The following ZNF704 variants were observed in gnomAD, a reference collection of about 807,000 sequenced individuals.
ZNF704 encodes the protein zinc finger protein 704, also known as glucocorticoid induced gene 1.
In ZNF704, 10 loss-of-function variants were observed where a neutral mutation model predicts 44.7. The observed-to-expected ratio is 0.22, with a 90% CI of 0.14 to 0.38. The LOEUF is 0.38. ZNF704 is among the 10% of genes least tolerant of loss of function. ZNF704 has a pLI of 1.00. For missense variants in ZNF704, 390 were observed against 545.5 expected (o/e 0.71, Z 2.84); for synonymous variants, 211 against 207.6 (o/e 1.02, Z -0.14).
intron 1 of ZNF704, among the ~76,000 whole-genome samples, chr8:80,852,634 AAC>A (rs1808884764): frequency 6.6e-6 from 1 of 152,216 alleles, no homozygotes; most frequent in African/African-American, 2.4e-5. Context: ...GTGTTTTAAT[AAC>A]AGTTTCACGC....
chr8:80,700,115 C>G (rs1281805611), intron 2 of ZNF704, among the ~76,000 whole-genome samples: 3 of 152,158 alleles, frequency 2.0e-5, no homozygotes, highest in African/African-American at 7.2e-5. Flanking sequence ...AGGCATTGAC[C>G]TTCCTGTCAG....
At chr8:80,765,361 T>G (rs1807211189) in intron 2 of ZNF704, among the ~76,000 whole-genome samples, 1 of 152,140 alleles carries the variant, frequency 6.6e-6, no homozygotes, top group African/African-American at 2.4e-5. Context: ...GGAAATACCC[T>G]CACATACACA....
upstream of ZNF704, among the ~76,000 whole-genome samples, chr8:80,878,049 C>G (rs1219677468): frequency 6.6e-6 from 1 of 152,094 alleles, no homozygotes; most frequent in East Asian, 1.9e-4. Flanking sequence ...CCCTACTGTC[C>G]GCGTGCTTTG....
At chr8:80,706,071 C>T (rs553554579) in intron 2 of ZNF704, among the ~76,000 whole-genome samples, 4 of 152,254 alleles carry the variant, frequency 2.6e-5, no homozygotes, top group Non-Finnish European at 4.4e-5. Context: ...GTTAACGATC[C>T]GCCTGGTAAA....
chr8:80,758,341 T>A (rs1215473180), intron 2 of ZNF704, among the ~76,000 whole-genome samples: 1 of 152,174 alleles, frequency 6.6e-6, no homozygotes, highest in Non-Finnish European at 1.5e-5. Context: ...ACTGATGAAG[T>A]GTGGGAAGCA....
intron 2 of ZNF704, among the ~76,000 whole-genome samples, chr8:80,736,935 G>GA (rs1351292270): frequency 1.4e-5 from 2 of 141,266 alleles, no homozygotes; most frequent in East Asian, 3.9e-4. Context: ...GGGCCCTGGT[G>GA]TTTTTTTTTT....
chr8:80,633,979 G>A lies in ZNF704; in HGVS notation c.*7387C>T, dbSNP rs1817627127. 1 of 152,218 alleles carries A rather than the reference G, an allele frequency of 6.6e-6. No homozygotes were observed. Among genetic ancestry groups the A allele is most frequent in the Non-Finnish European group, 1.5e-5 (1 of 68,042 alleles). 9.4% of individuals were successfully genotyped at this position (152,218 alleles called of 1,614,324 possible). A position where few individuals can be genotyped will look rare whatever the true frequency, so the allele number is the denominator to read the frequency against. On this transcript the variant is annotated 3_prime_UTR_variant, in exon 9 of 9. Coordinates refer to ENST00000327835, the MANE Select transcript of ZNF704 (RefSeq NM_001033723.3). ...TCTGAAATAGCCTAAATGCCTACCA[G>A]TTCTGAAGCAAGGCTTCTGCTGTAT...
At chr8:80,821,251 T>A (rs1017523930) in intron 2 of ZNF704, 123 bp downstream of exon 2, 9 of 1,058,448 alleles carry the variant, frequency 8.5e-6, no homozygotes, top group East Asian at 2.4e-5. Flanking sequence ...ATAGAAAAAA[T>A]TTCTTGGCAG....
chr8:80,663,733 A>AT (rs1818139331), intron 6 of ZNF704, among the ~76,000 whole-genome samples: 1 of 150,822 alleles, frequency 6.6e-6, no homozygotes, highest in African/African-American at 2.5e-5. Flanking sequence ...CTTACATTTT[A>AT]TTTATTTTTT....
chr8:80,634,977 C>T lies in ZNF704; in HGVS notation c.*6389G>A, dbSNP rs997768424. Reference sequence around the variant, plus strand: ...CAAGCCTGTACATGGCTTTCCCTAACTCTGTGCATTTCTAGTCCTCAAGTG... The same window carrying T: ...CAAGCCTGTACATGGCTTTCCCTAATTCTGTGCATTTCTAGTCCTCAAGTG... On this transcript the variant is annotated 3_prime_UTR_variant, in exon 9 of 9. Coordinates refer to ENST00000327835, the MANE Select transcript of ZNF704 (RefSeq NM_001033723.3). 1 of 152,204 alleles carries T rather than the reference C, an allele frequency of 6.6e-6. No homozygotes were observed. The highest frequency in any genetic ancestry group is 1.5e-5 in the Non-Finnish European group (1 of 68,038). 9.4% of individuals were successfully genotyped at this position (152,204 alleles called of 1,614,324 possible). A position where few individuals can be genotyped will look rare whatever the true frequency, so the allele number is the denominator to read the frequency against.
chr8:80,711,266 C>T (rs898666587), intron 2 of ZNF704, among the ~76,000 whole-genome samples: 2 of 152,166 alleles, frequency 1.3e-5, no homozygotes, highest in Admixed American at 1.3e-4. Context: ...ACACTGACAA[C>T]AGTCCCAGTG....
chr8:80,870,879 T>C (rs552787485), intron 1 of ZNF704, among the ~76,000 whole-genome samples: 12 of 152,290 alleles, frequency 7.9e-5, no homozygotes, highest in African/African-American at 2.6e-4. Context: ...GGTTGTCCAA[T>C]AGTCATCTCA....
chr8:80,838,523 T>G (rs1312871245), intron 1 of ZNF704, among the ~76,000 whole-genome samples: 1 of 143,800 alleles, frequency 7.0e-6, no homozygotes, highest in Non-Finnish European at 1.5e-5. Flanking sequence ...CCAGGCCACA[T>G]GCACACAAGA....
intron 4 of ZNF704, among the ~76,000 whole-genome samples, chr8:80,683,692 A>G (rs1818489738): frequency 6.6e-6 from 1 of 152,260 alleles, no homozygotes; most frequent in African/African-American, 2.4e-5. Context: ...GGATGATGAA[A>G]TGAAATGCTA....
intron 2 of ZNF704, among the ~76,000 whole-genome samples, chr8:80,730,538 T>TAAAAAAAA (rs148942015): frequency 6.3e-5 from 4 of 63,960 alleles, no homozygotes; most frequent in African/African-American, 2.0e-4. Flanking sequence ...GACTACATCT[T>TAAAAAAAA]AAAAAAAAAA....
In ZNF704 at chr8:80,821,528, C is replaced by A. The variant is rs748413144; in HGVS notation, c.67G>T (p.Val23Leu). 6.2e-7 allele frequency: 1 copy of A among 1,613,960 alleles called. No homozygotes were observed. Among genetic ancestry groups the A allele is most frequent in the African/African-American group, 1.3e-5 (1 of 74,918 alleles). Residue 23 changes from valine to leucine, a missense_variant, in exon 2 of 9, where the codon GTG (valine) becomes TTG (leucine). Around this residue, in one of 3 missense-constraint regions of ZNF704, gnomAD observed 80 missense variants for 83.7 expected, o/e 0.96. Transcript: ENST00000327835. ...DCGKKMSHQHVFSLAMEEDVK... is the reference protein window; with the variant it reads ...DCGKKMSHQHLFSLAMEEDVK... ...TCTTCCTCCATGGCCAAGGAAAACA[C>A]GTGTTGATGAGACATTTTTTTACCA...
chr8:80,687,568 C>A, intron 3 of ZNF704, 110 bp from the exon 4 acceptor site: 1 of 737,502 alleles, frequency 1.4e-6, no homozygotes, highest in Non-Finnish European at 2.1e-6. Flanking sequence ...CCAGCCCTCT[C>A]AATCATCTGC....
At chr8:80,767,778 A>G (rs1807252621) in intron 2 of ZNF704, among the ~76,000 whole-genome samples, 1 of 152,098 alleles carries the variant, frequency 6.6e-6, no homozygotes, top group South Asian at 2.1e-4. Flanking sequence ...ACTTCGCTCT[A>G]CTCAGCTTTT....
Position 80,724,813 on chromosome 8 carries a change from C to T in ZNF704, c.222-31706G>A, listed in dbSNP as rs140160440. On this transcript the variant is annotated intron_variant, in intron 2 of 8. Transcript: ENST00000327835. ...AGTCCTTCCCCTCAAAACGATAACC[C>T]CTTAACTGATTTCCCTGCCCTAGTC... Among the ~76,000 whole-genome samples the T allele has an allele frequency of 9.6e-4, 146 of 152,280 alleles. 3 individuals are homozygous for T. The East Asian group carries it at 0.018, about 18-fold the overall frequency.
Sources: allele counts gnomAD v4.1 joint callset (sites outside exome capture counted in the v4.1 genomes callset), GRCh38; gene constraint gnomAD v4.1.1; regional missense constraint gnomAD v4.1.1; transcripts MANE v1.5; gene names NCBI Gene and HGNC (gene_info 2026-07-23, HGNC 2026-07-21).